Variants in WNK2 observed in about 807,000 individuals in gnomAD.
WNK2 encodes the protein WNK lysine deficient protein kinase 2, also known as serine/threonine-protein kinase WNK2.
In WNK2, 67 loss-of-function variants were observed where a neutral mutation model predicts 192.1. That is an observed-to-expected ratio of 0.35 (90% CI 0.29 to 0.43). The LOEUF is 0.43. WNK2 is among the 20% of genes least tolerant of loss of function. WNK2 has a pLI of 1.00. For missense variants in WNK2, 2,698 were observed against 3,089.7 expected (o/e 0.87, Z 3.01); for synonymous variants, 1,439 against 1,393.9 (o/e 1.03, Z -0.72).
At chr9:93,208,348 C>A (rs1270815841) in intron 2 of WNK2, among the ~76,000 whole-genome samples, 3 of 152,200 alleles carry the variant, frequency 2.0e-5, no homozygotes, top group African/African-American at 7.2e-5. Context: ...GAAAGGAGAA[C>A]CACCCACACC....
At chr9:93,236,439 A>G (rs541656461) in intron 5 of WNK2, among the ~76,000 whole-genome samples, 1 of 152,326 alleles carries the variant, frequency 6.6e-6, no homozygotes, top group Admixed American at 6.5e-5. Context: ...TGTTCTCTAT[A>G]TTAAGAGTCA....
intron 2 of WNK2, among the ~76,000 whole-genome samples, chr9:93,228,513 A>G (rs183587410): frequency 6.6e-6 from 1 of 152,260 alleles, no homozygotes; most frequent in East Asian, 1.9e-4. Context: ...CGGAAAATAC[A>G]CGTTTCTTTT....
intron 2 of WNK2, among the ~76,000 whole-genome samples, chr9:93,215,399 A>C (rs534157173): frequency 2.0e-5 from 3 of 152,318 alleles, no homozygotes; most frequent in Non-Finnish European, 4.4e-5. Flanking sequence ...CGCATGAGCC[A>C]CTGCACCTGG....
At chr9:93,268,848 A>AG in intron 19 of WNK2, 102 bp downstream of exon 19, 1 of 1,575,608 alleles carries the variant, frequency 6.3e-7, no homozygotes. Flanking sequence ...AGGTCCATGC[A>AG]GGGGGCTCAC....
intron 9 of WNK2, among the ~76,000 whole-genome samples, chr9:93,254,824 A>C (rs1182966431): frequency 1.3e-5 from 2 of 151,968 alleles, no homozygotes; most frequent in Admixed American, 1.3e-4. Context: ...AAAAAAGAAA[A>C]GAAAAGGCTA....
Position 93,257,213 on chromosome 9 carries a change from C to T in WNK2, c.2382+74C>T. On this transcript the variant is annotated intron_variant, in intron 11 of 29. Transcript: ENST00000427277. The surrounding 1 kb of genome is among the most constrained non-coding windows in gnomAD (Gnocchi z 4.7). ...GGCCCTGGCTGGTGCACTAGGACAC[C>T]CACAGAGGGGGTTGTCTGTGCATGT... is the stretch of plus-strand genomic sequence containing the variant. The T allele has an allele frequency of 6.7e-7, 1 of 1,484,810 alleles. No homozygotes were observed. Among genetic ancestry groups the T allele is most frequent in the Non-Finnish European group, 9.1e-7 (1 of 1,103,274 alleles). 92.0% of individuals were successfully genotyped at this position (1,484,810 alleles called of 1,614,324 possible).
At position 93,239,524 on chromosome 9, in the gene WNK2, G is replaced by GTT. The variant is rs375625672; in HGVS notation, c.1323-222_1323-221dup. Among the ~76,000 whole-genome samples, 1 of 146,676 alleles carries GTT rather than the reference G, an allele frequency of 6.8e-6. No individual in the cohort carries two copies. ...GTATCATTGAATCTTTTATGAGCAT[G>GTT]TTTTTTTTTTTTATAATGAGGGGGA... On this transcript the variant is annotated intron_variant, in intron 6 of 29. Transcript: ENST00000427277. This position sits in a 1 kb window ranked among gnomAD's most constrained non-coding sequence, Gnocchi z 4.2.
rs556170785 is a variant in WNK2, at chr9:93,233,467, G to A, written c.1076-1341G>A. On this transcript the variant is annotated intron_variant, in intron 4 of 29. Coordinates refer to ENST00000427277, the MANE Select transcript of WNK2 (RefSeq NM_006648.4). ...TCCCAGTACTTTGGGAGGCTGAGGC[G>A]GGCGGATCATTTGAGGTCAGAAGTT... is the stretch of plus-strand genomic sequence containing the variant. Among the ~76,000 whole-genome samples the A allele has an allele frequency of 2.1e-3, 314 of 152,128 alleles. 1 individual carries two copies. Among genetic ancestry groups the A allele is most frequent in the African/African-American group, 7.2e-3 (301 of 41,520 alleles).
chr9:93,224,939 A>G (rs997640181), intron 2 of WNK2, among the ~76,000 whole-genome samples: 5 of 152,192 alleles, frequency 3.3e-5, no homozygotes. Context: ...TAATAGGTTA[A>G]TGAATGAATT....
chr9:93,193,948 A>C (rs905200806), intron 2 of WNK2, among the ~76,000 whole-genome samples: 1 of 152,198 alleles, frequency 6.6e-6, no homozygotes, highest in Non-Finnish European at 1.5e-5. Flanking sequence ...CCGGAAATAG[A>C]CCCTCATGAA....
chr9:93,293,155 T>C lies in WNK2; in HGVS notation c.5690T>C (p.Leu1897Pro). ...ELEDADIKKE[L>P]QSLREKHLKE... ...GAGGATGCTGACATAAAGAAGGAGC[T>C]GCAGAGTCTGCGGGAGAAGTAGGTC... is the stretch of plus-strand genomic sequence containing the variant. Residue 1897 changes from leucine to proline, a missense_variant, in exon 23 of 30, where the codon CTG becomes CCG. Coordinates refer to ENST00000427277, the MANE Select transcript of WNK2 (RefSeq NM_006648.4). 2 of 1,532,192 alleles carry C rather than the reference T, an allele frequency of 1.3e-6. No individual in the cohort carries two copies. Among genetic ancestry groups the C allele is most frequent in the Non-Finnish European group, 8.8e-7 (1 of 1,142,496 alleles). The allele number at this position is 1,532,192 out of a possible 1,614,324, so 94.9% of individuals were successfully genotyped here.
rs1343618560 is a variant in WNK2, at chr9:93,292,971, T to C, written c.5506T>C (p.Phe1836Leu). Reference protein sequence around the residue: ...LPVSGSVAGDFVKKATAFLQR... With the variant: ...LPVSGSVAGDLVKKATAFLQR... The stretch of plus-strand genomic sequence containing the variant: ...CGTGAGTGGCAGCGTGGCTGGCGAC[T>C]TCGTGAAGAAGGCCACCGCCTTCCT... Residue 1836 changes from phenylalanine (F) to leucine (L), a missense_variant, in exon 23 of 30, where the codon TTC becomes CTC. Phe to Leu is a conservative substitution (Grantham distance 22). Transcript: ENST00000427277. 1 of 1,542,248 alleles carries C rather than the reference T, an allele frequency of 6.5e-7. No individual in the cohort carries two copies. The highest frequency in any genetic ancestry group is 1.4e-5 in the African/African-American group (1 of 72,676).
intron 5 of WNK2, among the ~76,000 whole-genome samples, chr9:93,237,477 T>G (rs1385599693): frequency 6.6e-6 from 1 of 152,230 alleles, no homozygotes; most frequent in East Asian, 1.9e-4. Flanking sequence ...GATGGGCTTT[T>G]CATCTCGAGT....
intron 19 of WNK2, among the ~76,000 whole-genome samples, chr9:93,286,515 A>G (rs936595132): frequency 3.9e-5 from 6 of 152,218 alleles, no homozygotes; most frequent in African/African-American, 1.4e-4. Context: ...AAAGGACTGC[A>G]AGTATTGGCC....
intron 19 of WNK2, among the ~76,000 whole-genome samples, chr9:93,281,190 A>C (rs1159501222): frequency 6.6e-6 from 1 of 152,226 alleles, no homozygotes; most frequent in Non-Finnish European, 1.5e-5. Flanking sequence ...AAACTTAGAT[A>C]TGTGCAACTT....
At position 93,268,716 on chromosome 9, in the gene WNK2, C is replaced by T. The variant is rs745659447; in HGVS notation, c.4003C>T (p.Leu1335=). 2 of 1,613,246 alleles carry T rather than the reference C, an allele frequency of 1.2e-6. No homozygotes were observed. The highest frequency in any genetic ancestry group is 1.3e-5 in the African/African-American group (1 of 75,028). ...EAPESSPPLP[L]SSLPPEASQD... Reference sequence around the variant, plus strand: ...CCCTGAATCTTCGCCCCCACTTCCTCTAAGCTCCCTGCCGCCAGAAGCCAG... The same window carrying T: ...CCCTGAATCTTCGCCCCCACTTCCTTTAAGCTCCCTGCCGCCAGAAGCCAG... The change falls in exon 19 of 30, where the codon CTA becomes TTA. Residue 1335 remains leucine (L), a synonymous_variant. Transcript: ENST00000427277.
At chr9:93,284,677 T>C (rs1848203095) in intron 19 of WNK2, among the ~76,000 whole-genome samples, 1 of 152,152 alleles carries the variant, frequency 6.6e-6, no homozygotes, top group Non-Finnish European at 1.5e-5. Flanking sequence ...GCAGTGGGAC[T>C]GAAGAAGCTC....
chr9:93,318,073 G>A (rs1213130651), intron 29 of WNK2: 5 of 1,608,480 alleles, frequency 3.1e-6, no homozygotes, highest in Non-Finnish European at 4.2e-6. Context: ...TCCTATACTT[G>A]AGTTGATGGT....
chr9:93,190,307 T>A (rs1830108821), intron 2 of WNK2, among the ~76,000 whole-genome samples: 1 of 152,220 alleles, frequency 6.6e-6, no homozygotes. Context: ...GACAGCAGCC[T>A]GTGCAGGTCA....
Sources: gnomAD v4.1 joint callset for allele counts (sites outside exome capture counted in the v4.1 genomes callset) on GRCh38, gnomAD v4.1.1 for gene constraint, Gnocchi (gnomAD v3.1) non-coding constraint, MANE v1.5 for transcripts, NCBI Gene and HGNC (gene_info 2026-07-23, HGNC 2026-07-21) for gene names.